The following ATP8A2 variants were observed in gnomAD, a reference collection of about 807,000 sequenced individuals.
ATP8A2 encodes the protein phospholipid-transporting ATPase IB.
A neutral mutation model predicts 165.6 loss-of-function variants in ATP8A2; 100 were observed. That is an observed-to-expected ratio of 0.60 (90% CI 0.51 to 0.71). The LOEUF (loss-of-function observed/expected upper bound fraction) is 0.71. ATP8A2 is among the 30% of genes least tolerant of loss of function. ATP8A2 has a pLI of 0.00. For synonymous variants in ATP8A2, 543 were observed against 548.8 expected (o/e 0.99, Z 0.15); for missense variants, 1,227 against 1,479.5 (o/e 0.83, Z 2.80).
chr13:25,676,651 G>A (rs989649065), intron 24 of ATP8A2, among the ~76,000 whole-genome samples: 2 of 152,062 alleles, frequency 1.3e-5, no homozygotes, highest in Non-Finnish European at 2.9e-5. Context: ...CAAGTGGAAA[G>A]GAAAAGACAG....
intron 33 of ATP8A2, among the ~76,000 whole-genome samples, chr13:25,914,999 T>C (rs1269224888): frequency 6.6e-6 from 1 of 152,240 alleles, no homozygotes; most frequent in Non-Finnish European, 1.5e-5. Flanking sequence ...TTACTGCCTG[T>C]GTGGAATCTT....
chr13:25,960,127 G>C (rs1955625486), intron 33 of ATP8A2, among the ~76,000 whole-genome samples: 1 of 152,230 alleles, frequency 6.6e-6, no homozygotes. Context: ...GCATGGCTTT[G>C]GCCAGATGGG....
intron 1 of ATP8A2, among the ~76,000 whole-genome samples, chr13:25,448,047 G>A (rs2035116302): frequency 6.6e-6 from 1 of 152,158 alleles, no homozygotes; most frequent in African/African-American, 2.4e-5. Flanking sequence ...ATGGGGTGTG[G>A]TGTGCCAAAA....
chr13:25,424,593 TC>T (rs1369329718), intron 1 of ATP8A2, among the ~76,000 whole-genome samples: 3 of 152,170 alleles, frequency 2.0e-5, no homozygotes, highest in Non-Finnish European at 4.4e-5. Context: ...TTTACAGGGT[TC>T]CTTTGAAACA....
At chr13:25,393,809 A>G (rs1034365834) in intron 1 of ATP8A2, among the ~76,000 whole-genome samples, 6 of 152,218 alleles carry the variant, frequency 3.9e-5, no homozygotes, top group South Asian at 2.1e-4. Context: ...ACTATAATAC[A>G]TGCTCAGTAC....
At chr13:25,517,673 C>T (rs1462896971) in intron 2 of ATP8A2, among the ~76,000 whole-genome samples, 1 of 152,214 alleles carries the variant, frequency 6.6e-6, no homozygotes, top group Non-Finnish European at 1.5e-5. Flanking sequence ...AATACCTCTC[C>T]TGGTCCAATT....
chr13:25,913,917 C>T (rs1954194046), intron 33 of ATP8A2, among the ~76,000 whole-genome samples: 1 of 152,118 alleles, frequency 6.6e-6, no homozygotes, highest in Non-Finnish European at 1.5e-5. Context: ...GCTCTGAGCC[C>T]TTGGGTGGTT....
At position 26,021,331 on chromosome 13, in the gene ATP8A2, G is replaced by A. The variant is rs1329704583; in HGVS notation, c.*1346G>A. The A allele has an allele frequency of 6.6e-6, 1 of 152,206 alleles. No individual in the cohort carries two copies. 9.4% of individuals were successfully genotyped at this position (152,206 alleles called of 1,614,324 possible). A position where few individuals can be genotyped will look rare whatever the true frequency, so the allele number is the denominator to read the frequency against. Reference sequence around the variant, plus strand: ...CATGATCAGCCCAGTGTGTATGAGAGCTTAAACAAGACCTTCACACACAGT... The same window carrying A: ...CATGATCAGCCCAGTGTGTATGAGAACTTAAACAAGACCTTCACACACAGT... On this transcript the variant is annotated 3_prime_UTR_variant, in exon 37 of 37. Coordinates refer to ENST00000381655, the MANE Select transcript of ATP8A2 (RefSeq NM_016529.6).
chr13:25,423,201 G>A (rs776855419), intron 1 of ATP8A2, among the ~76,000 whole-genome samples: 7 of 152,078 alleles, frequency 4.6e-5, no homozygotes, highest in Non-Finnish European at 5.9e-5. Flanking sequence ...TTACCCACAC[G>A]TAGCCTTCCT....
At chr13:25,869,068 C>CAAAAAA (rs60945309) in intron 33 of ATP8A2, among the ~76,000 whole-genome samples, 4 of 72,334 alleles carry the variant, frequency 5.5e-5, no homozygotes, top group Admixed American at 1.8e-4. Flanking sequence ...GACTCCGTCT[C>CAAAAAA]AAAAAAAAAA....
At chr13:25,832,955 A>G (rs1951515672) in intron 28 of ATP8A2, among the ~76,000 whole-genome samples, 1 of 151,522 alleles carries the variant, frequency 6.6e-6, no homozygotes, top group Non-Finnish European at 1.5e-5. Context: ...TATCTAGAAA[A>G]CAAAAGAAAA....
At position 25,496,992 on chromosome 13, in the gene ATP8A2, A is replaced by G. The variant is rs189113105; in HGVS notation, c.221+27871A>G. 2.5e-3 allele frequency among the ~76,000 whole-genome samples: 385 copies of G among 152,280 alleles called. 1 individual carries two copies. The highest frequency in any genetic ancestry group is 1.1e-3 in the Non-Finnish European group (75 of 68,034). On this transcript the variant is annotated intron_variant, in intron 2 of 36. Coordinates refer to ENST00000381655, the MANE Select transcript of ATP8A2 (RefSeq NM_016529.6). ...GGCACAGTGCTGAAGTGTTGAGACC[A>G]TCGTGCTAATGAGACCAAGGTGCAG...
intron 24 of ATP8A2, among the ~76,000 whole-genome samples, chr13:25,648,229 T>C (rs1232376050): frequency 1.3e-5 from 2 of 152,212 alleles, no homozygotes; most frequent in African/African-American, 4.8e-5. Context: ...CCAGTTCAGA[T>C]ATTGCTTCTT....
intron 27 of ATP8A2, among the ~76,000 whole-genome samples, chr13:25,791,123 A>G (rs952615576): frequency 6.6e-6 from 1 of 152,178 alleles, no homozygotes; most frequent in African/African-American, 2.4e-5. Context: ...TAGCAAAGGC[A>G]TGGAATCAAC....
rs1293855300 is a variant in ATP8A2 at position 25,372,343 on chromosome 13, G to A, written c.76+55G>A. 3 of 1,318,642 alleles carry A rather than the reference G, an allele frequency of 2.3e-6. No individual in the cohort carries two copies. The African/African-American group carries it at 4.7e-5, about 21-fold the overall frequency. 81.7% of individuals were successfully genotyped at this position (1,318,642 alleles called of 1,614,324 possible). ...GTGGGCCCGGGGCGGGGGCGGCGCG[G>A]GGCGCGCCTGCGGTTATGCGACACT... On this transcript the variant is annotated intron_variant, in intron 1 of 36. Transcript: ENST00000381655. This position sits in a 1 kb window ranked among gnomAD's most constrained non-coding sequence, Gnocchi z 4.8.
rs776015462 is a variant in ATP8A2 at position 25,374,911 on chromosome 13, A to G, written c.76+2623A>G. 7.3e-4 allele frequency among the ~76,000 whole-genome samples: 111 copies of G among 152,280 alleles called. 1 individual carries two copies. The highest frequency in any genetic ancestry group is 1.4e-3 in the Non-Finnish European group (96 of 68,020). ...TAAAAAATAAACTAATGATGAAAGG[A>G]TTGCAGATCACAGTCAGCTTCAAGA... On this transcript the variant is annotated intron_variant, in intron 1 of 36. Coordinates refer to ENST00000381655, the MANE Select transcript of ATP8A2 (RefSeq NM_016529.6).
intron 1 of ATP8A2, among the ~76,000 whole-genome samples, chr13:25,436,644 A>C (rs1593305924): frequency 6.6e-6 from 1 of 152,274 alleles, no homozygotes; most frequent in African/African-American, 2.4e-5. Flanking sequence ...TGTTGGGTTG[A>C]ATGGTAGTTC....
chr13:25,535,829 A>G (rs1294188545), intron 6 of ATP8A2, among the ~76,000 whole-genome samples: 2 of 152,052 alleles, frequency 1.3e-5, no homozygotes, highest in African/African-American at 4.8e-5. Context: ...ACAGAAAACA[A>G]ACAACCAAAA....
chr13:25,823,019 A>G (rs563999918), intron 27 of ATP8A2, among the ~76,000 whole-genome samples: 2 of 152,334 alleles, frequency 1.3e-5, no homozygotes, highest in African/African-American at 4.8e-5. Flanking sequence ...TGCTGTTGAC[A>G]TAATTGCTGA....
Sources: allele counts gnomAD v4.1 joint callset (sites outside exome capture counted in the v4.1 genomes callset), GRCh38; gene constraint gnomAD v4.1.1; non-coding constraint Gnocchi (gnomAD v3.1); transcripts MANE v1.5; gene names NCBI Gene and HGNC (gene_info 2026-07-23, HGNC 2026-07-21).